The following EHBP1 variants were observed in gnomAD, a reference collection of about 807,000 sequenced individuals.
EHBP1 encodes EH domain-binding protein 1.
Under a neutral mutation model 144.0 loss-of-function variants are expected in EHBP1, and 55 were observed. The observed-to-expected ratio is 0.38, with a 90% CI of 0.31 to 0.48. The LOEUF is 0.48. Ranked by LOEUF, EHBP1 falls within the 20% of genes least tolerant of loss-of-function variation. EHBP1 has a pLI of 0.98. For missense variants in EHBP1, 1,200 were observed against 1,364.2 expected (o/e 0.88, Z 1.90); for synonymous variants, 469 against 472.7 (o/e 0.99, Z 0.10).
chr2:63,026,485 A>G (rs950752491), intron 19 of EHBP1, among the ~76,000 whole-genome samples: 2 of 152,208 alleles, frequency 1.3e-5, no homozygotes, highest in African/African-American at 4.8e-5. Context: ...ACAGAACTCT[A>G]TGAAATAGTA....
At chr2:62,903,933 T>G (rs1558886856) in intron 10 of EHBP1, among the ~76,000 whole-genome samples, 1 of 152,210 alleles carries the variant, frequency 6.6e-6, no homozygotes, top group Non-Finnish European at 1.5e-5. Flanking sequence ...CAGTGATCAT[T>G]TAAAACCTGA....
chr2:62,888,566 G>A (rs1037195235), intron 10 of EHBP1, among the ~76,000 whole-genome samples: 7 of 152,104 alleles, frequency 4.6e-5, no homozygotes, highest in African/African-American at 1.7e-4. Flanking sequence ...CTCCACATGG[G>A]AAAACAACCT....
chr2:62,799,411 ATAGT>A (rs1373634618), intron 5 of EHBP1, among the ~76,000 whole-genome samples: 1 of 152,190 alleles, frequency 6.6e-6, no homozygotes, highest in Non-Finnish European at 1.5e-5. Context: ...TTAAATTGTA[ATAGT>A]TAATTATGAC....
At chr2:62,891,322 C>G (rs2052445717) in intron 10 of EHBP1, among the ~76,000 whole-genome samples, 1 of 152,030 alleles carries the variant, frequency 6.6e-6, no homozygotes. Flanking sequence ...AACTTGAACT[C>G]CTGTAATCAT....
At position 62,711,182 on chromosome 2, in the gene EHBP1, A is replaced by C. The variant is rs997315043; in HGVS notation, c.104+3887A>C. Among the ~76,000 whole-genome samples the C allele has an allele frequency of 2.6e-5, 4 of 152,170 alleles. No homozygotes were observed. The South Asian group carries it at 6.2e-4, about 24-fold the overall frequency. ...ACCCTCACACACACTCAGCACCACCACACTTTATTGAGGTATAATTTACAC... is the reference window on the plus strand; with the variant it reads ...ACCCTCACACACACTCAGCACCACCCCACTTTATTGAGGTATAATTTACAC... On this transcript the variant is annotated intron_variant, in intron 2 of 22. Coordinates refer to ENST00000431489, the MANE Select transcript of EHBP1 (RefSeq NM_001142616.3).
chr2:62,900,385 A>G (rs1156576749), intron 10 of EHBP1, among the ~76,000 whole-genome samples: 1 of 152,074 alleles, frequency 6.6e-6, no homozygotes, highest in East Asian at 1.9e-4. Context: ...GGCTAAGGCA[A>G]TGGGGGACAC....
intron 7 of EHBP1, among the ~76,000 whole-genome samples, chr2:62,831,833 C>G (rs563217390): frequency 6.6e-6 from 1 of 152,262 alleles, no homozygotes; most frequent in South Asian, 2.1e-4. Flanking sequence ...TGTCCCTTCA[C>G]TTCTATCATC....
At chr2:62,743,317 G>T (rs551685703) in intron 2 of EHBP1, among the ~76,000 whole-genome samples, 2 of 151,412 alleles carry the variant, frequency 1.3e-5, no homozygotes, top group Non-Finnish European at 2.9e-5. Flanking sequence ...TCTGTGGTTG[G>T]GCAGGTTCTT....
intron 7 of EHBP1, among the ~76,000 whole-genome samples, chr2:62,841,689 AT>A: frequency 6.6e-6 from 1 of 152,236 alleles, no homozygotes; most frequent in Middle Eastern, 3.4e-3. Context: ...GGCAGCAATA[AT>A]TTTTTAAATG....
chr2:62,872,680 T>C (rs1202723779), intron 9 of EHBP1, among the ~76,000 whole-genome samples: 1 of 152,178 alleles, frequency 6.6e-6, no homozygotes, highest in Non-Finnish European at 1.5e-5. Context: ...GTTCTACCAT[T>C]ACCACTATCT....
intron 6 of EHBP1, among the ~76,000 whole-genome samples, chr2:62,827,335 G>C (rs952689585): frequency 2.0e-5 from 3 of 152,088 alleles, no homozygotes; most frequent in Admixed American, 6.6e-5. Flanking sequence ...TAAATACTGA[G>C]TAATTAAAAA....
intron 19 of EHBP1, among the ~76,000 whole-genome samples, chr2:63,026,954 GTTTT>G (rs1448703885): frequency 6.6e-6 from 1 of 152,148 alleles, no homozygotes; most frequent in Non-Finnish European, 1.5e-5. Context: ...AGTTTTGAAG[GTTTT>G]TTGTGTTCAT....
intron 19 of EHBP1, 112 bp downstream of exon 19, chr2:62,996,878 T>C (rs1318368451): frequency 2.7e-6 from 4 of 1,477,540 alleles, no homozygotes; most frequent in Non-Finnish European, 3.6e-6. Context: ...CAAAACTGCC[T>C]TGAAAATAAA....
chr2:62,943,760 A>T (rs1306792271), intron 11 of EHBP1, 42 bp from the exon 12 acceptor site: 13 of 1,388,372 alleles, frequency 9.4e-6, no homozygotes, highest in Admixed American at 2.4e-5. Flanking sequence ...AGCTGTTTTT[A>T]TCAAATACTA....
intron 2 of EHBP1, among the ~76,000 whole-genome samples, chr2:62,734,498 A>G (rs569743756): frequency 7.2e-5 from 11 of 151,914 alleles, no homozygotes; most frequent in East Asian, 1.9e-4. Context: ...TAGTATTAGC[A>G]TGGTATATTT....
intron 4 of EHBP1, among the ~76,000 whole-genome samples, chr2:62,769,277 AG>A (rs2041443222): frequency 6.6e-6 from 1 of 152,202 alleles, no homozygotes; most frequent in African/African-American, 2.4e-5. Context: ...TCAGCCCAAA[AG>A]CTCCTGCAGC....
At chr2:62,906,645 A>T (rs2053834280) in intron 10 of EHBP1, among the ~76,000 whole-genome samples, 1 of 152,212 alleles carries the variant, frequency 6.6e-6, no homozygotes, top group African/African-American at 2.4e-5. Flanking sequence ...TCCCATGTGT[A>T]CTTTATCCAG....
chr2:62,858,747 A>C (rs1405181430), intron 7 of EHBP1, among the ~76,000 whole-genome samples: 3 of 152,206 alleles, frequency 2.0e-5, no homozygotes, highest in South Asian at 2.1e-4. Flanking sequence ...CTAAGATAAT[A>C]CTTGGTCATA....
chr2:62,894,957 A>AGAGAGAC, intron 10 of EHBP1, among the ~76,000 whole-genome samples: 1 of 76,296 alleles, frequency 1.3e-5, no homozygotes. Context: ...GAGAGAGAGA[A>AGAGAGAC]TGCTGCAGGC....
Sources: allele counts gnomAD v4.1 joint callset (sites outside exome capture counted in the v4.1 genomes callset), GRCh38; gene constraint gnomAD v4.1.1; transcripts MANE v1.5; gene names NCBI Gene and HGNC (gene_info 2026-07-23, HGNC 2026-07-21).